The following FAM83D variants were observed in gnomAD, a reference collection of about 807,000 sequenced individuals.
The protein encoded by FAM83D is scaffolding CK1 anchoring protein D.
In FAM83D, 26 loss-of-function variants were observed where a neutral mutation model predicts 25.4. The ratio of observed to expected loss-of-function variants is 1.02; its 90% CI spans 0.75 to 1.42. FAM83D has a LOEUF of 1.42. Ranked by LOEUF, FAM83D falls within the 40% of genes most tolerant of loss-of-function variation. The pLI is 0.00. For synonymous variants in FAM83D, 310 were observed against 318.5 expected (o/e 0.97, Z 0.28); for missense variants, 740 against 758.1 (o/e 0.98, Z 0.28).
chr20:38,952,619 T>C lies in FAM83D; in HGVS notation c.*99T>C. On this transcript the variant is annotated 3_prime_UTR_variant, in exon 4 of 4. Coordinates refer to ENST00000619850, the MANE Select transcript of FAM83D (RefSeq NM_030919.3). ...TCTTATGTCCCTAATTGCCTTTCTT[T>C]TACCTGACTTTGTCACCTTTGTTGT... is the stretch of plus-strand genomic sequence containing the variant. 3.0e-6 allele frequency: 4 copies of C among 1,335,720 alleles called. No homozygotes were observed. The highest frequency in any genetic ancestry group is 4.1e-6 in the Non-Finnish European group (4 of 972,742). 82.7% of individuals were successfully genotyped at this position (1,335,720 alleles called of 1,614,324 possible).
At chr20:38,932,743 T>C (rs529151472) in intron 1 of FAM83D, among the ~76,000 whole-genome samples, 1 of 152,354 alleles carries the variant, frequency 6.6e-6, no homozygotes, top group East Asian at 1.9e-4. Context: ...CGGCTATTCC[T>C]GGTTTGTTGA....
intron 2 of FAM83D, among the ~76,000 whole-genome samples, chr20:38,945,043 C>T (rs2085721017): frequency 6.6e-6 from 1 of 152,082 alleles, no homozygotes; most frequent in Non-Finnish European, 1.5e-5. Context: ...TCTCCTGTTC[C>T]TCTCTGTGCT....
intron 3 of FAM83D, among the ~76,000 whole-genome samples, chr20:38,951,141 A>G (rs116557550): frequency 0.015 from 2,280 of 152,226 alleles, 23 homozygotes; most frequent in Middle Eastern, 0.027. Flanking sequence ...AGTTTTTAAA[A>G]ACTCTGAGGC....
In FAM83D at chr20:38,952,315, T is replaced by C; in HGVS notation, c.1553T>C (p.Leu518Pro). Residue 518 changes from leucine to proline, a missense_variant, in exon 4 of 4, where the codon CTG (leucine) becomes CCG (proline). Coordinates refer to ENST00000619850, the MANE Select transcript of FAM83D (RefSeq NM_030919.3). ...TACCTGGGCACCCCCCACCTGGAACTGTACTTGAGTGACTCACTTAGAAAC... is the reference window on the plus strand; with the variant it reads ...TACCTGGGCACCCCCCACCTGGAACCGTACTTGAGTGACTCACTTAGAAAC... ...PKYLGTPHLE[L>P]YLSDSLRNLN... 1.9e-6 allele frequency: 3 copies of C among 1,614,142 alleles called. No homozygotes were observed. Among genetic ancestry groups the C allele is most frequent in the Non-Finnish European group, 2.5e-6 (3 of 1,180,028 alleles).
chr20:38,942,489 G>C lies in FAM83D; in HGVS notation c.651+363G>C, dbSNP rs143886323. On this transcript the variant is annotated intron_variant, in intron 2 of 3. Coordinates refer to ENST00000619850, the MANE Select transcript of FAM83D (RefSeq NM_030919.3). The stretch of plus-strand genomic sequence containing the variant: ...CTATTCACCTATAAAAAGGAATGAA[G>C]TGCTGATACATGCTACAGCATGGAT... 4.7e-4 allele frequency among the ~76,000 whole-genome samples: 72 copies of C among 152,322 alleles called. No homozygotes were observed. The East Asian group carries it at 0.012, about 26-fold the overall frequency.
intron 1 of FAM83D, among the ~76,000 whole-genome samples, chr20:38,936,603 G>A (rs369801007): frequency 7.9e-5 from 12 of 152,250 alleles, no homozygotes; most frequent in African/African-American, 2.6e-4. Flanking sequence ...AAACTTGGTT[G>A]GAATGATATA....
chr20:38,938,951 G>T (rs951270315), intron 1 of FAM83D, among the ~76,000 whole-genome samples: 1 of 152,156 alleles, frequency 6.6e-6, no homozygotes, highest in African/African-American at 2.4e-5. Flanking sequence ...CCATCCTGTT[G>T]GATTCTTCAC....
intron 2 of FAM83D, 101 bp downstream of exon 2, chr20:38,942,227 A>T: frequency 7.7e-7 from 1 of 1,299,018 alleles, no homozygotes; most frequent in Non-Finnish European, 1.1e-6. Flanking sequence ...TTTACAAGGA[A>T]GGGACTGAGG....
At chr20:38,929,803 A>AT (rs1343479485) in intron 1 of FAM83D, among the ~76,000 whole-genome samples, 2 of 151,920 alleles carry the variant, frequency 1.3e-5, no homozygotes, top group African/African-American at 4.8e-5. Context: ...AAAAAAAAAA[A>AT]AAAAAAGTAA....
Position 38,947,867 on chromosome 20 carries a change from T to C in FAM83D, c.652-9T>C. The C allele has an allele frequency of 1.2e-6, 2 of 1,613,764 alleles. No homozygotes were observed. The highest frequency in any genetic ancestry group is 1.7e-6 in the Non-Finnish European group (2 of 1,179,784). On this transcript the variant is annotated splice_polypyrimidine_tract_variant and intron_variant, in intron 2 of 3. Coordinates refer to ENST00000619850, the MANE Select transcript of FAM83D (RefSeq NM_030919.3). ...GTTCATTTATATTTCTCCCACTCCC[T>C]GCCAACAGTTAATGACAGTTCGGAC...
Position 38,942,037 on chromosome 20 carries a change from G to A in FAM83D, c.562G>A (p.Val188Ile), listed in dbSNP as rs374313497. 5.6e-5 allele frequency: 91 copies of A among 1,614,114 alleles called. No homozygotes were observed. Among genetic ancestry groups the A allele is most frequent in the Non-Finnish European group, 6.9e-5 (81 of 1,180,032 alleles). The change falls in exon 2 of 4, where the codon GTT becomes ATT. Residue 188 changes from valine (V) to isoleucine (I), a missense_variant. Transcript: ENST00000619850. ...DLQEICRKQG[V>I]AVYILLDQAL... is the part of the protein sequence containing the mutation. ...GCAAGAAATATGCAGGAAACAGGGA[G>A]TTGCTGTGTATATCCTTCTGGACCA... is the stretch of plus-strand genomic sequence containing the variant.
chr20:38,934,222 C>T (rs956780999), intron 1 of FAM83D, among the ~76,000 whole-genome samples: 1 of 152,062 alleles, frequency 6.6e-6, no homozygotes, highest in African/African-American at 2.4e-5. Flanking sequence ...CAGAATTCTT[C>T]TCTGACTTCT....
Position 38,952,011 on chromosome 20 carries a change from T to C in FAM83D, c.1249T>C (p.Cys417Arg). 3.1e-6 allele frequency: 5 copies of C among 1,614,212 alleles called. No homozygotes were observed. The highest frequency in any genetic ancestry group is 1.3e-5 in the African/African-American group (1 of 75,056). The stretch of plus-strand genomic sequence containing the variant: ...AACACAAACCAGCATCACCACAGCA[T>C]GTGCTGGTACCCAGACTGCAGTCAT... ...VGTQTSITTA[C>R]AGTQTAVITR... is the part of the protein sequence containing the mutation. The change falls in exon 4 of 4, where the codon TGT (cysteine) becomes CGT (arginine). Residue 417 changes from cysteine to arginine, a missense_variant. By Grantham distance (180) the Cys-to-Arg change is radical (BLOSUM62 -3). Transcript: ENST00000619850.
chr20:38,951,801 G>A lies in FAM83D; in HGVS notation c.1039G>A (p.Asp347Asn). ...AAGTACTCCCAGGAAGGCGGACCTG[G>A]ACCCAGAGATGCCCGCAGAGGGCAA... ...LSSTPRKADL[D>N]PEMPAEGKAE... is the part of the protein sequence containing the mutation. The change falls in exon 4 of 4, where the codon GAC becomes AAC. Residue 347 changes from aspartate to asparagine, a missense_variant. Asp to Asn is a conservative substitution (Grantham distance 23, BLOSUM62 1). Transcript: ENST00000619850. 7 of 1,614,198 alleles carry A rather than the reference G, an allele frequency of 4.3e-6. No homozygotes were observed. In the East Asian group the frequency reaches 1.3e-4, roughly 31 times the overall value.
intron 1 of FAM83D, among the ~76,000 whole-genome samples, chr20:38,939,882 A>G (rs1362032959): frequency 1.3e-5 from 2 of 151,936 alleles, no homozygotes; most frequent in South Asian, 4.2e-4. Flanking sequence ...CTTAATCCTC[A>G]CAGCAGCCCT....
intron 1 of FAM83D, among the ~76,000 whole-genome samples, chr20:38,940,444 G>A (rs1218814594): frequency 6.6e-6 from 1 of 152,122 alleles, no homozygotes; most frequent in Admixed American, 6.5e-5. Flanking sequence ...AGTCCTCTGG[G>A]ACCACAGAAA....
Position 38,952,336 on chromosome 20 carries a change from G to T in FAM83D, c.1574G>T (p.Arg525Ile). 1 of 1,614,122 alleles carries T rather than the reference G, an allele frequency of 6.2e-7. No homozygotes were observed. The highest frequency in any genetic ancestry group is 8.5e-7 in the Non-Finnish European group (1 of 1,180,032). ...HLELYLSDSL[R>I]NLNKERQFHF... ...GAACTGTACTTGAGTGACTCACTTA[G>T]AAACTTGAACAAAGAGCGGCAATTC... The change falls in exon 4 of 4, where the codon AGA (arginine) becomes ATA (isoleucine). Residue 525 changes from arginine to isoleucine, a missense_variant. Coordinates refer to ENST00000619850, the MANE Select transcript of FAM83D (RefSeq NM_030919.3).
At position 38,926,741 on chromosome 20, in the gene FAM83D, C is replaced by G. The variant is rs2085637110; in HGVS notation, c.299C>G (p.Thr100Ser). The G allele has an allele frequency of 1.3e-6, 2 of 1,533,768 alleles. No homozygotes were observed. The highest frequency in any genetic ancestry group is 2.8e-5 in the African/African-American group (2 of 71,852). ...TCCTCGCACGACTGCTCTTCGGGCA[C>G]CTACTTCCCCGAGCAGTCGGACCTG... ...FGSSHDCSSG[T>S]YFPEQSDLEP... The change falls in exon 1 of 4, where the codon ACC becomes AGC. Residue 100 changes from threonine (T) to serine (S), a missense_variant. Transcript: ENST00000619850.
intron 1 of FAM83D, among the ~76,000 whole-genome samples, chr20:38,932,016 C>T (rs1275343968): frequency 1.3e-5 from 2 of 152,216 alleles, no homozygotes; most frequent in Non-Finnish European, 2.9e-5. Context: ...CTGCCAGCCC[C>T]TTCCTTGACT....
Sources: allele counts gnomAD v4.1 joint callset (sites outside exome capture counted in the v4.1 genomes callset), GRCh38; gene constraint gnomAD v4.1.1; transcripts MANE v1.5; gene names NCBI Gene and HGNC (gene_info 2026-07-23, HGNC 2026-07-21).